TEX11: variants seen among roughly 807,000 people sequenced by gnomAD.
The protein encoded by TEX11 is testis-expressed protein 11.
In TEX11, 7 loss-of-function variants were observed where a neutral mutation model predicts 84.4. The observed-to-expected ratio is 0.08, with a 90% CI of 0.05 to 0.16. The LOEUF (loss-of-function observed/expected upper bound fraction) is 0.16, where lower values mean the gene tolerates loss of function less well. TEX11 is among the 10% of genes least tolerant of loss of function. The pLI, the probability that TEX11 is intolerant of heterozygous loss-of-function variation, is 1.00. For synonymous variants in TEX11, 264 were observed against 222.8 expected, an observed-to-expected ratio of 1.18 and a Z score of -1.64; for missense variants, 551 against 660.5, an observed-to-expected ratio of 0.83 and a Z score of 1.82.
chrX:70,644,089 A>T (rs1326980368), intron 17 of TEX11, among the ~76,000 whole-genome samples: 1 of 95,559 alleles, frequency 1.0e-5, no homozygotes, highest in African/African-American at 3.8e-5. Flanking sequence ...AAAAAAAACA[A>T]CCCCATCAAA....
chrX:70,511,543 A>G, the TEX11 span, among the ~76,000 whole-genome samples: 2 of 108,122 alleles, frequency 1.8e-5, no homozygotes, highest in Admixed American at 9.8e-5. Flanking sequence ...TCACAAGGTC[A>G]GAAGTTCGAG....
chrX:70,904,848 TAAC>T (rs1569464418), intron 2 of TEX11, among the ~76,000 whole-genome samples: 1 of 112,894 alleles, frequency 8.9e-6, no homozygotes, highest in Non-Finnish European at 1.9e-5. Context: ...TATGTTATAA[TAAC>T]ATTTTTGATA....
At chrX:70,900,269 G>A (rs766985661) in intron 2 of TEX11, among the ~76,000 whole-genome samples, 83 of 107,693 alleles carry the variant, frequency 7.7e-4, no homozygotes, top group African/African-American at 2.6e-3. Context: ...TACTTGGGAG[G>A]CTGAGGCAGG....
At chrX:70,523,971 T>C (rs2087801344), downstream of TEX11, among the ~76,000 whole-genome samples, 1 of 110,806 alleles carries the variant, frequency 9.0e-6, no homozygotes, top group South Asian at 3.9e-4. Context: ...TCATTTTCTT[T>C]TCTGAAATGA....
At chrX:70,645,844 C>T (rs1274498235) in intron 17 of TEX11, among the ~76,000 whole-genome samples, 1 of 110,761 alleles carries the variant, frequency 9.0e-6, no homozygotes, top group East Asian at 2.8e-4. Context: ...GTCCATACTA[C>T]CCAAGGCAAT....
the TEX11 span, among the ~76,000 whole-genome samples, chrX:70,514,601 A>G: frequency 9.2e-6 from 1 of 108,223 alleles, no homozygotes; most frequent in Non-Finnish European, 1.9e-5. Context: ...TCTAAAAAAA[A>G]AAAAAAATGG....
intron 2 of TEX11, among the ~76,000 whole-genome samples, chrX:70,889,730 T>C (rs2091727510): frequency 9.0e-6 from 1 of 111,730 alleles, no homozygotes; most frequent in East Asian, 2.8e-4. Context: ...GTTAAAATAA[T>C]GGGTTATAAG....
intron 7 of TEX11, among the ~76,000 whole-genome samples, chrX:70,835,154 A>G (rs770388315): frequency 9.1e-4 from 102 of 112,104 alleles, no homozygotes; most frequent in African/African-American, 3.2e-3. Flanking sequence ...CTTGCTGATT[A>G]AATCATTATT....
chrX:70,623,047 A>C (rs1472894726), intron 20 of TEX11, among the ~76,000 whole-genome samples: 1 of 112,153 alleles, frequency 8.9e-6, no homozygotes, highest in East Asian at 2.8e-4. Flanking sequence ...GAAGCCTATA[A>C]AGAAAAGGCA....
intron 7 of TEX11, 152 bp downstream of exon 7, chrX:70,852,882 C>T (rs1272356119): frequency 7.5e-6 from 4 of 532,751 alleles, no homozygotes; most frequent in Non-Finnish European, 1.2e-5. Context: ...AGTAACATCA[C>T]CTTCAGATAT....
intron 9 of TEX11, among the ~76,000 whole-genome samples, chrX:70,758,242 G>A (rs778239366): frequency 9.0e-6 from 1 of 111,408 alleles, no homozygotes; most frequent in Admixed American, 9.6e-5. Flanking sequence ...AAGGATATTC[G>A]GGACTTGAAC....
intron 3 of TEX11, 77 bp from the exon 4 acceptor site, chrX:70,873,384 T>C: frequency 1.5e-6 from 1 of 679,489 alleles, no homozygotes. Context: ...TTGAATGTTG[T>C]ATGCTTATGT....
chrX:70,751,118 C>G (rs1213272388), intron 9 of TEX11, among the ~76,000 whole-genome samples: 25 of 103,814 alleles, frequency 2.4e-4, no homozygotes, highest in Non-Finnish European at 4.5e-4. Context: ...TGACCTAGCC[C>G]TCCCATTACT....
At chrX:70,709,216 A>G (rs1178069173) in intron 13 of TEX11, among the ~76,000 whole-genome samples, 2 of 111,564 alleles carry the variant, frequency 1.8e-5, no homozygotes, top group Non-Finnish European at 3.8e-5. Flanking sequence ...GGTGATACCA[A>G]TCACCAATAC....
At chrX:70,873,946 G>A (rs1211779824) in intron 3 of TEX11, among the ~76,000 whole-genome samples, 1 of 111,404 alleles carries the variant, frequency 9.0e-6, no homozygotes, top group Admixed American at 9.6e-5. Context: ...CCCAATGTTG[G>A]ATGTGGGGCT....
chrX:70,895,773 A>G (rs1455495097), intron 2 of TEX11, among the ~76,000 whole-genome samples: 1 of 112,277 alleles, frequency 8.9e-6, no homozygotes, highest in East Asian at 2.8e-4. Context: ...CAATGGGGAA[A>G]GGATTCCCTA....
At chrX:70,787,998 TAAACTGAAAAAAA>T (rs1262838458) in intron 9 of TEX11, among the ~76,000 whole-genome samples, 1 of 108,676 alleles carries the variant, frequency 9.2e-6, no homozygotes, top group East Asian at 2.9e-4. Flanking sequence ...CTGAAAACTA[TAAACTGAAAAAAA>T]AAACTGAAAA....
chrX:70,536,393 C>T (rs1157962018), intron 28 of TEX11, among the ~76,000 whole-genome samples: 3 of 111,347 alleles, frequency 2.7e-5, no homozygotes, highest in Non-Finnish European at 5.6e-5. Context: ...GATGAGGATA[C>T]AGAGGTATAC....
intron 28 of TEX11, 88 bp from the exon 29 acceptor site, chrX:70,530,087 T>C: frequency 1.2e-6 from 1 of 826,758 alleles, no homozygotes. Flanking sequence ...CCTTTATTAC[T>C]AAACAAACAA....
Sources: gnomAD v4.1 joint callset for allele counts (sites outside exome capture counted in the v4.1 genomes callset) on GRCh38, gnomAD v4.1.1 for gene constraint, MANE v1.5 for transcripts, NCBI Gene and HGNC (gene_info 2026-07-23, HGNC 2026-07-21) for gene names.